PCDHA2: variants seen among roughly 807,000 people sequenced by gnomAD.
PCDHA2 encodes protocadherin alpha 2.
Under a neutral mutation model 66.0 loss-of-function variants are expected in PCDHA2, and 58 were observed. The ratio of observed to expected loss-of-function variants is 0.88; its 90% confidence interval spans 0.71 to 1.09. The LOEUF (loss-of-function observed/expected upper bound fraction) is 1.09, where lower values mean the gene tolerates loss of function less well. Ranked by LOEUF, PCDHA2 falls within the 50% of genes least tolerant of loss-of-function variation. The probability of loss-of-function intolerance (pLI) is 0.00; values close to 1 mark genes in which losing one functional copy is unlikely to be tolerated. For synonymous variants in PCDHA2, 634 were observed against 554.0 expected (o/e 1.14, Z -2.03); for missense variants, 1,267 against 1,242.3 (o/e 1.02, Z -0.30).
In PCDHA2 at chr5:140,850,045, T is replaced by C. The variant is rs2150464931; in HGVS notation, c.2388+52693T>C. 3.1e-6 allele frequency: 5 copies of C among 1,596,208 alleles called. No homozygotes were observed. In the African/African-American group the frequency reaches 5.4e-5, roughly 17 times the overall value. On this transcript the variant is annotated intron_variant, in intron 1 of 3. Coordinates refer to ENST00000526136, the MANE Select transcript of PCDHA2 (RefSeq NM_018905.3). Reference sequence around the variant, plus strand: ...TCAGTGCACGCGGAGAGCGGCAAGGTGTACGCGCTGCAGCCGTTGGACCAC... The same window carrying C: ...TCAGTGCACGCGGAGAGCGGCAAGGCGTACGCGCTGCAGCCGTTGGACCAC...
At chr5:140,888,673 A>T (rs571585641) in intron 1 of PCDHA2, among the ~76,000 whole-genome samples, 1 of 152,298 alleles carries the variant, frequency 6.6e-6, no homozygotes, top group Admixed American at 6.5e-5. Context: ...TGCCCTGTGC[A>T]TTAAGAGGTC....
intron 1 of PCDHA2, among the ~76,000 whole-genome samples, chr5:140,826,731 T>C (rs1236287706): frequency 6.6e-6 from 1 of 152,180 alleles, no homozygotes; most frequent in Non-Finnish European, 1.5e-5. Flanking sequence ...GAGCAAGTGG[T>C]CTATATTGTC....
intron 3 of PCDHA2, among the ~76,000 whole-genome samples, chr5:141,007,259 G>A (rs2098311634): frequency 6.6e-6 from 1 of 151,998 alleles, no homozygotes; most frequent in Non-Finnish European, 1.5e-5. Flanking sequence ...GTTAAAAGAA[G>A]CAGATACAGG....
intron 1 of PCDHA2, chr5:140,807,610 C>T (rs1554124152): frequency 1.2e-6 from 2 of 1,614,192 alleles, no homozygotes; most frequent in East Asian, 2.2e-5. Flanking sequence ...AGAACCTGTC[C>T]ATCGCGGAAT....
At position 140,808,102 on chromosome 5, in the gene PCDHA2, G is replaced by A. The variant is rs148933348; in HGVS notation, c.2388+10750G>A. On this transcript the variant is annotated intron_variant, in intron 1 of 3. Transcript: ENST00000526136. ...CAATTACTGGACAAATTATTGTAAA[G>A]GGATATATTGACTTTGAAGAAAGCA... 195 of 1,613,972 alleles carry A rather than the reference G, an allele frequency of 1.2e-4. No homozygotes were observed. In the African/African-American group the frequency reaches 2.5e-3, roughly 20 times the overall value.
chr5:140,929,437 A>G (rs533186503), intron 1 of PCDHA2: 1 of 1,453,986 alleles, frequency 6.9e-7, no homozygotes, highest in Non-Finnish European at 9.2e-7. Context: ...TGAACTAAAC[A>G]CTCCTTCTTA....
chr5:140,924,921 T>A (rs1167960449), intron 1 of PCDHA2, among the ~76,000 whole-genome samples: 5 of 126,218 alleles, frequency 4.0e-5, no homozygotes, highest in African/African-American at 1.5e-4. Context: ...TAAAATAAAA[T>A]AAAATAAAAT....
At chr5:140,835,944 C>T (rs2150248798) in intron 1 of PCDHA2, 2 of 1,612,686 alleles carry the variant, frequency 1.2e-6, no homozygotes, top group Admixed American at 1.7e-5. Flanking sequence ...GTACGCGCTG[C>T]AGCCGTTGGA....
chr5:140,858,038 G>A, intron 1 of PCDHA2: 1 of 1,596,684 alleles, frequency 6.3e-7, no homozygotes, highest in East Asian at 2.2e-5. Context: ...CACGGCCACT[G>A]TGCTTGTGTC....
intron 1 of PCDHA2, among the ~76,000 whole-genome samples, chr5:140,872,243 T>A (rs1484959006): frequency 6.6e-6 from 1 of 152,192 alleles, no homozygotes; most frequent in African/African-American, 2.4e-5. Flanking sequence ...TCTTTATTCC[T>A]GTGATAATAC....
chr5:140,829,242 A>T lies in PCDHA2; in HGVS notation c.2388+31890A>T, dbSNP rs2150164576. On this transcript the variant is annotated intron_variant, in intron 1 of 3. Coordinates refer to ENST00000526136, the MANE Select transcript of PCDHA2 (RefSeq NM_018905.3). ...GACCTCGATTCAGGTGCCAACGGGC[A>T]GGTGAACTGCTCGCTGACGCCTCAC... is the stretch of plus-strand genomic sequence containing the variant. 1.7e-5 allele frequency: 27 copies of T among 1,614,148 alleles called. No individual in the cohort carries two copies. The highest frequency in any genetic ancestry group is 1.6e-4 in the Middle Eastern group (1 of 6,084).
intron 1 of PCDHA2, chr5:140,868,717 A>G (rs1420363814): frequency 5.3e-6 from 1 of 189,344 alleles, no homozygotes; most frequent in African/African-American, 2.4e-5. Context: ...AATAATTTAA[A>G]TTTGATGTTA....
chr5:140,922,388 CT>C (rs1233800006), intron 1 of PCDHA2, among the ~76,000 whole-genome samples: 1 of 152,148 alleles, frequency 6.6e-6, no homozygotes, highest in Non-Finnish European at 1.5e-5. Flanking sequence ...CCAAAGACTC[CT>C]TGTTTTGGAT....
At chr5:140,861,267 A>G (rs1251447795) in intron 1 of PCDHA2, 4 of 174,546 alleles carry the variant, frequency 2.3e-5, no homozygotes, top group African/African-American at 9.5e-5. Context: ...CGGAGCCTAC[A>G]GCACTGGCTT....
intron 1 of PCDHA2, chr5:140,927,418 C>A: frequency 6.2e-7 from 1 of 1,614,106 alleles, no homozygotes; most frequent in Non-Finnish European, 8.5e-7. Flanking sequence ...CATGGGATCG[C>A]GGGTTGACGG....
chr5:140,852,691 T>A, intron 1 of PCDHA2: 2 of 974,798 alleles, frequency 2.1e-6, no homozygotes, highest in Non-Finnish European at 2.5e-6. Flanking sequence ...TATAGTCTTA[T>A]ACTTTCAAGT....
intron 1 of PCDHA2, chr5:140,850,311 T>C (rs2150479083): frequency 1.3e-6 from 2 of 1,597,000 alleles, no homozygotes; most frequent in African/African-American, 1.3e-5. Context: ...CTACAACGCG[T>C]GGCTTTCATA....
At chr5:140,885,981 G>A (rs536900560) in intron 1 of PCDHA2, among the ~76,000 whole-genome samples, 44 of 151,942 alleles carry the variant, frequency 2.9e-4, no homozygotes, top group African/African-American at 8.4e-4. Context: ...TTATAGATTC[G>A]CATGTGGTTG....
At chr5:140,869,937 A>C (rs782444890) in intron 1 of PCDHA2, 1 of 1,612,006 alleles carries the variant, frequency 6.2e-7, no homozygotes, top group Non-Finnish European at 8.5e-7. Flanking sequence ...GAGAGGTAAC[A>C]TACTCCTTAA....
Sources: gnomAD v4.1 joint callset for allele counts (sites outside exome capture counted in the v4.1 genomes callset) on GRCh38, gnomAD v4.1.1 for gene constraint, MANE v1.5 for transcripts, NCBI Gene and HGNC (gene_info 2026-07-23, HGNC 2026-07-21) for gene names.